WWOX: variants seen among roughly 807,000 people sequenced by gnomAD.
WWOX encodes the protein WW domain containing oxidoreductase.
In WWOX, 69 loss-of-function variants were observed where a neutral mutation model predicts 46.2. That is an observed-to-expected ratio of 1.49 (90% CI 1.23 to 1.82). The LOEUF is 1.82. Ranked by LOEUF, WWOX falls within the 40% of genes most tolerant of loss-of-function variation. The pLI is 0.00. For synonymous variants in WWOX, 359 were observed against 202.6 expected, an observed-to-expected ratio of 1.77 and a Z score of -6.56; for missense variants, 919 against 542.6, an observed-to-expected ratio of 1.69 and a Z score of -6.89.
At chr16:79,102,864 G>T (rs561262732) in intron 8 of WWOX, among the ~76,000 whole-genome samples, 1 of 151,972 alleles carries the variant, frequency 6.6e-6, no homozygotes, top group Non-Finnish European at 1.5e-5. Context: ...CAGGTGAAGG[G>T]CAGAATGTCC....
chr16:79,097,309 G>A (rs1340237499), intron 8 of WWOX, among the ~76,000 whole-genome samples: 5 of 150,968 alleles, frequency 3.3e-5, no homozygotes, highest in African/African-American at 7.3e-5. Flanking sequence ...GATGCCATTC[G>A]CAATCCAGCA....
chr16:79,045,227 C>T lies in WWOX; in HGVS notation c.1057-166381C>T, dbSNP rs146236875. Among the ~76,000 whole-genome samples the T allele has an allele frequency of 7.9e-5, 12 of 152,350 alleles. No homozygotes were observed. In the East Asian group the frequency reaches 2.3e-3, roughly 29 times the overall value. On this transcript the variant is annotated intron_variant, in intron 8 of 8. Transcript: ENST00000566780. ...AAGTTCTTATGTGGTGGATGTACCT[C>T]ATTTCAGCAAGAGCTTTCTAAGGGT...
At chr16:78,810,183 C>G (rs867934469) in intron 8 of WWOX, among the ~76,000 whole-genome samples, 57 of 152,238 alleles carry the variant, frequency 3.7e-4, no homozygotes, top group African/African-American at 1.3e-3. Context: ...GACGGGTACC[C>G]CTTGCCTATA....
rs556179892 is a variant in WWOX at position 78,527,520 on chromosome 16, C to T, written c.1056+94768C>T. On this transcript the variant is annotated intron_variant, in intron 8 of 8. Transcript: ENST00000566780. ...TGTTGGCCAGGCTGGTCTTGAATTC[C>T]TGACTTCAAGTGATGAGACTGCCTC... 8.5e-5 allele frequency among the ~76,000 whole-genome samples: 13 copies of T among 152,132 alleles called. No homozygotes were observed. In the East Asian group the frequency reaches 2.5e-3, roughly 30 times the overall value.
At chr16:78,106,152 A>T (rs1226875657) in intron 1 of WWOX, among the ~76,000 whole-genome samples, 1 of 152,170 alleles carries the variant, frequency 6.6e-6, no homozygotes, top group Non-Finnish European at 1.5e-5. Flanking sequence ...CTTCAAGCAC[A>T]TTTGATGTGT....
At chr16:78,702,042 T>TATATATAA (rs1229780052) in intron 8 of WWOX, among the ~76,000 whole-genome samples, 1 of 120,966 alleles carries the variant, frequency 8.3e-6, no homozygotes, top group Admixed American at 8.1e-5. Flanking sequence ...TATATATATA[T>TATATATAA]ATAAAATAAT....
At chr16:78,830,816 G>T (rs1785725059) in intron 8 of WWOX, among the ~76,000 whole-genome samples, 1 of 151,870 alleles carries the variant, frequency 6.6e-6, no homozygotes, top group Non-Finnish European at 1.5e-5. Flanking sequence ...CCTTGCCACT[G>T]TAAATGACTA....
intron 8 of WWOX, chr16:78,899,446 T>A (rs924922955): frequency 6.6e-6 from 1 of 152,192 alleles, no homozygotes; most frequent in Admixed American, 6.5e-5. Context: ...TATCTGTAAC[T>A]GGAAAATGTG....
intron 8 of WWOX, among the ~76,000 whole-genome samples, chr16:78,629,618 C>A (rs560243004): frequency 1.3e-5 from 2 of 152,300 alleles, no homozygotes; most frequent in East Asian, 3.9e-4. Context: ...ACCACTTTCC[C>A]CAGAAACCTG....
At chr16:78,653,889 C>A (rs565375857) in intron 8 of WWOX, among the ~76,000 whole-genome samples, 2 of 152,328 alleles carry the variant, frequency 1.3e-5, no homozygotes, top group African/African-American at 4.8e-5. Flanking sequence ...CTATTACATG[C>A]AGCAGGACAC....
chr16:78,371,937 T>C (rs1399019653), intron 5 of WWOX, among the ~76,000 whole-genome samples: 2 of 152,216 alleles, frequency 1.3e-5, no homozygotes, highest in Non-Finnish European at 1.5e-5. Context: ...TTCCAGCTTA[T>C]GTAACAGTGC....
At chr16:78,131,825 C>A (rs993523119) in intron 4 of WWOX, among the ~76,000 whole-genome samples, 1 of 151,416 alleles carries the variant, frequency 6.6e-6, no homozygotes, top group East Asian at 2.0e-4. Flanking sequence ...ACCTCGTGAT[C>A]CTCCTACGTC....
rs554010527 is a variant in WWOX at position 78,630,545 on chromosome 16, C to G, written c.1056+197793C>G. ...GTAGACAATACTTCATATATATTTT[C>G]ACAGCTCATTTCTGGGGGACTAATT... On this transcript the variant is annotated intron_variant, in intron 8 of 8. Transcript: ENST00000566780. Among the ~76,000 whole-genome samples, 125 of 152,310 alleles carry G rather than the reference C, an allele frequency of 8.2e-4. 3 individuals carry two copies. The highest frequency in any genetic ancestry group is 2.9e-3 in the African/African-American group (121 of 41,564).
chr16:78,862,719 C>T (rs1176252525), intron 8 of WWOX, among the ~76,000 whole-genome samples: 1 of 152,066 alleles, frequency 6.6e-6, no homozygotes, highest in Non-Finnish European at 1.5e-5. Context: ...TGAAGTCAGG[C>T]ATAGAGAGGC....
chr16:78,640,973 G>C (rs944849933), intron 8 of WWOX, among the ~76,000 whole-genome samples: 1 of 150,696 alleles, frequency 6.6e-6, no homozygotes, highest in Admixed American at 6.6e-5. Context: ...AAGAAAGGAA[G>C]GACAGATGGA....
rs532323875 is a variant in WWOX at position 78,454,378 on chromosome 16, GTGTA to G, written c.1056+21628_1056+21631del. 2.3e-4 allele frequency among the ~76,000 whole-genome samples: 30 copies of G among 131,590 alleles called. No individual in the cohort carries two copies. The South Asian group carries it at 7.0e-3, about 31-fold the overall frequency. 86.3% of individuals were successfully genotyped at this position (131,590 alleles called of 152,430 possible). A position where few individuals can be genotyped will look rare whatever the true frequency, so the allele number is the denominator to read the frequency against. ...TATTCGTGTGTGTGTGTGTGTGTGT[GTGTA>G]TTATATGCATGTGTGTGTATTTGTC... On this transcript the variant is annotated intron_variant, in intron 8 of 8. Coordinates refer to ENST00000566780, the MANE Select transcript of WWOX (RefSeq NM_016373.4).
At chr16:78,754,584 T>C (rs1018552473) in intron 8 of WWOX, among the ~76,000 whole-genome samples, 1 of 152,202 alleles carries the variant, frequency 6.6e-6, no homozygotes. Context: ...TTTTCTCATT[T>C]ATCAACCAGT....
At chr16:78,351,053 A>G (rs1420173717) in intron 5 of WWOX, among the ~76,000 whole-genome samples, 1 of 152,240 alleles carries the variant, frequency 6.6e-6, no homozygotes, top group Non-Finnish European at 1.5e-5. Context: ...GGCTTAGGAT[A>G]TTGAACATCT....
At chr16:78,439,720 C>T (rs8053950) in intron 8 of WWOX, among the ~76,000 whole-genome samples, 7,527 of 152,240 alleles carry the variant, frequency 0.049, 595 homozygotes, top group African/African-American at 0.17. Context: ...TTAAAGGTGG[C>T]TGAAATAATA....
Sources: allele counts gnomAD v4.1 joint callset (sites outside exome capture counted in the v4.1 genomes callset), GRCh38; gene constraint gnomAD v4.1.1; transcripts MANE v1.5; gene names NCBI Gene and HGNC (gene_info 2026-07-23, HGNC 2026-07-21).